Variants in IFT122 observed in about 807,000 individuals in gnomAD.
IFT122 encodes the protein intraflagellar transport 122, also known as intraflagellar transport protein 122 homolog.
A neutral mutation model predicts 161.6 loss-of-function variants in IFT122; 118 were observed. That is an observed-to-expected ratio of 0.73 (90% CI 0.63 to 0.85). IFT122 has a LOEUF of 0.85. Ranked by LOEUF, IFT122 falls within the 40% of genes least tolerant of loss-of-function variation. The pLI, the probability that IFT122 is intolerant of heterozygous loss-of-function variation, is 0.00. For missense variants in IFT122, 1,381 were observed against 1,579.6 expected (o/e 0.87, Z 2.13); for synonymous variants, 550 against 602.4 (o/e 0.91, Z 1.27).
chr3:129,476,732 A>G lies in IFT122; in HGVS notation c.1078A>G (p.Lys360Glu). The change falls in exon 11 of 30, where the codon AAG becomes GAG. Residue 360 changes from lysine (K) to glutamate (E), a missense_variant. By Grantham distance (56) the Lys-to-Glu change is moderately conservative (BLOSUM62 1). Transcript: ENST00000348417. ...TTTCAGCACAGTCCATGGGCTTTAC[A>G]AGGACCGCTATGCCTACAGGGATAG... Reference protein sequence around the residue: ...LIFSTVHGLYKDRYAYRDSMT... With the variant: ...LIFSTVHGLYEDRYAYRDSMT... 1 of 1,614,136 alleles carries G rather than the reference A, an allele frequency of 6.2e-7. No homozygotes were observed. Among genetic ancestry groups the G allele is most frequent in the Non-Finnish European group, 8.5e-7 (1 of 1,180,036 alleles).
intron 3 of IFT122, chr3:129,457,983 C>G (rs553972789): frequency 6.4e-6 from 1 of 156,140 alleles, no homozygotes; most frequent in East Asian, 1.9e-4. Flanking sequence ...CGTGATCCAC[C>G]CGCCTCAGCC....
intron 7 of IFT122, among the ~76,000 whole-genome samples, chr3:129,465,147 GT>G (rs1441523423): frequency 1.5e-5 from 2 of 134,994 alleles, no homozygotes; most frequent in African/African-American, 6.2e-5. Context: ...GTGTGTGTGT[GT>G]GTGTGTGTGT....
At chr3:129,477,309 C>T (rs763430912) in intron 11 of IFT122, among the ~76,000 whole-genome samples, 48 of 152,308 alleles carry the variant, frequency 3.2e-4, no homozygotes, top group Non-Finnish European at 6.3e-4. Context: ...ATTCTAAGCC[C>T]TAAGACTGCA....
intron 24 of IFT122, chr3:129,513,204 T>G (rs1224537417): frequency 1.3e-5 from 2 of 152,368 alleles, no homozygotes; most frequent in Non-Finnish European, 2.9e-5. Flanking sequence ...GAAGGGCCTG[T>G]GCAGCCAGAT....
intron 18 of IFT122, among the ~76,000 whole-genome samples, chr3:129,497,249 C>G (rs553687235): frequency 6.6e-6 from 1 of 152,238 alleles, no homozygotes; most frequent in Admixed American, 6.5e-5. Flanking sequence ...GCCTGGGTGA[C>G]AGAGCAAGAC....
Position 129,440,238 on chromosome 3 carries a change from A to T in IFT122, c.-93A>T. On this transcript the variant is annotated 5_prime_UTR_variant, in exon 1 of 30. Coordinates refer to ENST00000348417, the MANE Select transcript of IFT122 (RefSeq NM_052989.3). ...TTGCCAGGGGTAACGCAGGTAGCCA[A>T]AGTGGCTTGTGGAGTGGCGACCGTT... The T allele has an allele frequency of 6.6e-7, 1 of 1,504,572 alleles. No homozygotes were observed. The highest frequency in any genetic ancestry group is 9.0e-7 in the Non-Finnish European group (1 of 1,107,538). The allele number at this position is 1,504,572 out of a possible 1,614,324, so 93.2% of individuals were successfully genotyped here.
chr3:129,517,372 G>A (rs1350117063), intron 26 of IFT122, 97 bp from the exon 27 acceptor site: 2 of 1,538,264 alleles, frequency 1.3e-6, no homozygotes, highest in Non-Finnish European at 1.8e-6. Context: ...GAAGCTGCCA[G>A]TGGGTTGAGA....
chr3:129,515,248 C>T (rs996511003), intron 25 of IFT122: 7 of 605,492 alleles, frequency 1.2e-5, no homozygotes, highest in Admixed American at 2.9e-5. Flanking sequence ...TGCCGTTGAG[C>T]GCTGCCTGTG....
chr3:129,486,480 G>A (rs1265725859), intron 15 of IFT122, among the ~76,000 whole-genome samples: 2 of 152,168 alleles, frequency 1.3e-5, no homozygotes, highest in Non-Finnish European at 2.9e-5. Context: ...AATTGCAACA[G>A]GCTGTACTTA....
At chr3:129,490,776 A>G (rs566285596) in intron 16 of IFT122, among the ~76,000 whole-genome samples, 2 of 152,300 alleles carry the variant, frequency 1.3e-5, no homozygotes, top group South Asian at 2.1e-4. Context: ...CTAGAGGGTG[A>G]TGTGTAAGAC....
Position 129,440,330 on chromosome 3 carries a change from G to T in IFT122, c.-1G>T. On this transcript the variant is annotated 5_prime_UTR_variant, in exon 1 of 30. Transcript: ENST00000348417. ...GAGCCCGAGCCGTAAGGGAAGCCGT[G>T]ATGAGGGCCGTGTTGACGTGGAGAG... 1 of 1,550,960 alleles carries T rather than the reference G, an allele frequency of 6.4e-7. No individual in the cohort carries two copies.
rs576896156 is a variant in IFT122, at chr3:129,517,218, G to GCA, written c.3266-236_3266-235dup. 0.029 allele frequency among the ~76,000 whole-genome samples: 3,227 copies of GCA among 112,276 alleles called. 53 individuals carry two copies. The highest frequency in any genetic ancestry group is 0.045 in the African/African-American group (1,233 of 27,578). 73.7% of individuals were successfully genotyped at this position (112,276 alleles called of 152,430 possible). On this transcript the variant is annotated intron_variant, in intron 26 of 29. Coordinates refer to ENST00000348417, the MANE Select transcript of IFT122 (RefSeq NM_052989.3). ...CTACACACACACACAGACTGCCCCT[G>GCA]CACACACACACACACAGAAACTGCC... is the stretch of plus-strand genomic sequence containing the variant.
intron 5 of IFT122, 72 bp downstream of exon 5, chr3:129,461,376 A>C (rs1382295201): frequency 2.8e-6 from 3 of 1,073,394 alleles, no homozygotes. Context: ...AAATGCATTC[A>C]GAATATGGTG....
chr3:129,494,685 AGTGT>A (rs10579071), intron 17 of IFT122, among the ~76,000 whole-genome samples: 25 of 150,432 alleles, frequency 1.7e-4, no homozygotes, highest in Admixed American at 2.6e-4. Context: ...AGCTGTGCTA[AGTGT>A]GTGTGTGTGT....
intron 16 of IFT122, among the ~76,000 whole-genome samples, chr3:129,491,731 G>T (rs2080115704): frequency 6.6e-6 from 1 of 152,106 alleles, no homozygotes; most frequent in African/African-American, 2.4e-5. Context: ...TACCCATGTT[G>T]CCAAGATGTA....
At chr3:129,440,497 C>A in intron 1 of IFT122, 126 bp downstream of exon 1, 1 of 1,150,584 alleles carries the variant, frequency 8.7e-7, no homozygotes. Context: ...GAACCCCGGC[C>A]TGGGAGACTG....
chr3:129,442,603 T>TA (rs1229771815), intron 1 of IFT122, among the ~76,000 whole-genome samples: 3 of 151,350 alleles, frequency 2.0e-5, no homozygotes, highest in Non-Finnish European at 2.9e-5. Flanking sequence ...ACAGTAGAAC[T>TA]AAAAAAATCC....
chr3:129,476,202 C>A (rs1048530408), intron 9 of IFT122, 113 bp from the exon 10 acceptor site: 3 of 1,151,132 alleles, frequency 2.6e-6, no homozygotes, highest in Non-Finnish European at 3.8e-6. Flanking sequence ...CTGGCCAGCT[C>A]TCCCTGTCTT....
rs961499785 is a variant in IFT122, at chr3:129,468,923, A to G, written c.741-419A>G. Among the ~76,000 whole-genome samples the G allele has an allele frequency of 8.5e-5, 13 of 152,356 alleles. No individual in the cohort carries two copies. The East Asian group carries it at 2.3e-3, about 27-fold the overall frequency. ...GGAAGAGCAAGCAAGTTTCCCTTCT[A>G]TTAAAAAATGTCTTTGTGCTGCAAG... On this transcript the variant is annotated intron_variant, in intron 8 of 29. Transcript: ENST00000348417.
Sources: gnomAD v4.1 joint callset for allele counts (sites outside exome capture counted in the v4.1 genomes callset) on GRCh38, gnomAD v4.1.1 for gene constraint, MANE v1.5 for transcripts, NCBI Gene and HGNC (gene_info 2026-07-23, HGNC 2026-07-21) for gene names.